The following EYS variants were observed in gnomAD, a reference collection of about 807,000 sequenced individuals.
EYS encodes the protein protein eyes shut homolog.
Under a neutral mutation model 282.1 loss-of-function variants are expected in EYS, and 250 were observed. The ratio of observed to expected loss-of-function variants is 0.89; its 90% CI spans 0.80 to 0.98. The LOEUF (loss-of-function observed/expected upper bound fraction) is 0.98, where lower values mean the gene tolerates loss of function less well. Among genes scored for constraint, EYS ranks in the 50% least tolerant of loss-of-function variants. The probability of loss-of-function intolerance (pLI) is 0.00; values close to 1 mark genes in which losing one functional copy is unlikely to be tolerated. For synonymous variants in EYS, 1,355 were observed against 1,282.9 expected (o/e 1.06, Z -1.20); for missense variants, 4,016 against 3,709.0 (o/e 1.08, Z -2.15).
intron 2 of EYS, among the ~76,000 whole-genome samples, chr6:65,555,170 AAAT>A (rs1768750393): frequency 6.6e-6 from 1 of 152,166 alleles, no homozygotes. Context: ...ATTTCTGACC[AAAT>A]AATAAAATTT....
chr6:64,322,443 G>T (rs1034418944), intron 29 of EYS, among the ~76,000 whole-genome samples: 2 of 151,962 alleles, frequency 1.3e-5, no homozygotes, highest in African/African-American at 4.8e-5. Flanking sequence ...AATATGACTA[G>T]ATATAATTCA....
chr6:65,397,238 G>T (rs1766312200), intron 7 of EYS, among the ~76,000 whole-genome samples: 1 of 151,672 alleles, frequency 6.6e-6, no homozygotes, highest in Non-Finnish European at 1.5e-5. Context: ...GCAGTTTTTT[G>T]TTTGTTTGCT....
chr6:64,660,361 A>T (rs1462660083), intron 22 of EYS, among the ~76,000 whole-genome samples: 1 of 151,986 alleles, frequency 6.6e-6, no homozygotes, highest in South Asian at 2.1e-4. Flanking sequence ...ACTCCTATTC[A>T]ACATAGTGTT....
In EYS at chr6:65,128,559, T is replaced by A. The variant is rs973673840; in HGVS notation, c.2024-70832A>T. ...AGTTTAAGCTGAGTCAAATCAAGAA[T>A]GCAATTCTATTTACATTAGCTAAAA... On this transcript the variant is annotated intron_variant, in intron 12 of 42. Coordinates refer to ENST00000503581, the MANE Select transcript of EYS (RefSeq NM_001142800.2). 2.0e-5 allele frequency among the ~76,000 whole-genome samples: 3 copies of A among 152,032 alleles called. No individual in the cohort carries two copies. In the East Asian group the frequency reaches 5.8e-4, roughly 29 times the overall value.
At chr6:63,996,756 AT>A (rs1241082742) in intron 34 of EYS, among the ~76,000 whole-genome samples, 1 of 152,214 alleles carries the variant, frequency 6.6e-6, no homozygotes, top group Admixed American at 6.5e-5. Context: ...TTTACTTCAT[AT>A]TTTTTGGTAA....
At chr6:64,021,157 GAA>G (rs66796703) in intron 33 of EYS, among the ~76,000 whole-genome samples, 3 of 145,708 alleles carry the variant, frequency 2.1e-5, no homozygotes, top group African/African-American at 7.5e-5. Flanking sequence ...GTTTTCAAGG[GAA>G]AAAAAAAAAG....
chr6:65,165,865 C>T (rs185599860), intron 12 of EYS, among the ~76,000 whole-genome samples: 2 of 151,094 alleles, frequency 1.3e-5, no homozygotes, highest in Admixed American at 6.6e-5. Context: ...AACTTAGAAC[C>T]AAGAGTGGGT....
chr6:64,451,626 C>A (rs1224417746), intron 26 of EYS, among the ~76,000 whole-genome samples: 4 of 152,280 alleles, frequency 2.6e-5, no homozygotes, highest in Non-Finnish European at 4.4e-5. Context: ...TACTGGCAAA[C>A]CGAATCCAGC....
intron 1 of EYS, among the ~76,000 whole-genome samples, chr6:65,696,862 A>G (rs1769474978): frequency 6.6e-6 from 1 of 152,020 alleles, no homozygotes; most frequent in Admixed American, 6.6e-5. Context: ...CAGAGTACTT[A>G]GAGTGTAGAA....
intron 22 of EYS, among the ~76,000 whole-genome samples, chr6:64,636,935 AAAC>A (rs1768004069): frequency 7.4e-6 from 1 of 135,356 alleles, no homozygotes; most frequent in Non-Finnish European, 1.6e-5. Flanking sequence ...AAAAGTCAGG[AAAC>A]AACAGGTGCT....
chr6:64,209,804 A>G (rs1361250039), intron 31 of EYS, among the ~76,000 whole-genome samples: 1 of 152,094 alleles, frequency 6.6e-6, no homozygotes, highest in Non-Finnish European at 1.5e-5. Context: ...CTTATTTTCA[A>G]ATCACCTCCT....
In EYS at chr6:64,262,352, T is replaced by G. The variant is rs141093765; in HGVS notation, c.6192-31528A>C. Among the ~76,000 whole-genome samples, 376 of 151,462 alleles carry G rather than the reference T, an allele frequency of 2.5e-3. 5 individuals are homozygous for G. Among genetic ancestry groups the G allele is most frequent in the Admixed American group, 0.016 (243 of 15,188 alleles). On this transcript the variant is annotated intron_variant, in intron 30 of 42. Transcript: ENST00000503581. ...ATATTGTATATATTTAATTTCAGATTATTTTTTGTAATTTGCAAAAAATAC... is the reference window on the plus strand; with the variant it reads ...ATATTGTATATATTTAATTTCAGATGATTTTTTGTAATTTGCAAAAAATAC...
chr6:65,490,594 C>G lies in EYS; in HGVS notation c.862G>C (p.Gly288Arg), dbSNP rs1313992717. 6.4e-7 allele frequency: 1 copy of G among 1,574,562 alleles called. No homozygotes were observed. The highest frequency in any genetic ancestry group is 1.7e-5 in the Admixed American group (1 of 59,836). Residue 288 changes from glycine (G) to arginine (R), a missense_variant and splice_region_variant, in exon 5 of 43, where the codon GGT becomes CGT. Coordinates refer to ENST00000503581, the MANE Select transcript of EYS (RefSeq NM_001142800.2). The stretch of plus-strand genomic sequence containing the variant: ...GGTTGTATACATATGCATTTTTTAC[C>G]TGAAAATTGCTCATCACATTCACAA... ...FICECDEQFS[G>R]PFCEVSAKPC...
intron 12 of EYS, among the ~76,000 whole-genome samples, chr6:65,207,008 G>A (rs1381874259): frequency 1.3e-5 from 2 of 151,692 alleles, no homozygotes; most frequent in Admixed American, 1.3e-4. Context: ...CAACATAGTA[G>A]TTGAATTCGT....
chr6:64,063,487 A>G (rs572567381), intron 33 of EYS, among the ~76,000 whole-genome samples: 2 of 152,156 alleles, frequency 1.3e-5, no homozygotes, highest in Non-Finnish European at 2.9e-5. Flanking sequence ...TATGTCATAA[A>G]TATGTCACTT....
intron 26 of EYS, among the ~76,000 whole-genome samples, chr6:64,458,029 A>G (rs1775612335): frequency 6.6e-6 from 1 of 152,072 alleles, no homozygotes; most frequent in Admixed American, 6.6e-5. Flanking sequence ...TTAATGAATG[A>G]CAATGTAACT....
chr6:63,806,103 A>T, intron 37 of EYS, 87 bp downstream of exon 37: 2 of 1,191,462 alleles, frequency 1.7e-6, no homozygotes, highest in Non-Finnish European at 2.3e-6. Context: ...TCTTTTTTTT[A>T]CCACAGCCAA....
At chr6:63,946,690 G>A (rs763456191) in intron 35 of EYS, among the ~76,000 whole-genome samples, 13 of 147,412 alleles carry the variant, frequency 8.8e-5, no homozygotes, top group Non-Finnish European at 1.6e-4. Flanking sequence ...ATAAAGTTTT[G>A]TATGAAATCC....
At chr6:64,871,476 G>T (rs1198876269) in intron 19 of EYS, among the ~76,000 whole-genome samples, 1 of 151,910 alleles carries the variant, frequency 6.6e-6, no homozygotes. Flanking sequence ...TTTTAGGCCT[G>T]AAATTAATGC....
Sources: gnomAD v4.1 joint callset for allele counts (sites outside exome capture counted in the v4.1 genomes callset) on GRCh38, gnomAD v4.1.1 for gene constraint, MANE v1.5 for transcripts, NCBI Gene and HGNC (gene_info 2026-07-23, HGNC 2026-07-21) for gene names.